The following ABI3BP variants were observed in gnomAD, a reference collection of about 807,000 sequenced individuals.
The protein encoded by ABI3BP is target of Nesh-SH3.
ABI3BP carries 216 observed loss-of-function variants against 268.6 expected under a neutral mutation model. The observed-to-expected ratio is 0.80, with a 90% CI of 0.72 to 0.90. The LOEUF (loss-of-function observed/expected upper bound fraction) is 0.90, where lower values mean the gene tolerates loss of function less well. Ranked by LOEUF, ABI3BP falls within the 40% of genes least tolerant of loss-of-function variation. The pLI is 0.00. For synonymous variants in ABI3BP, 730 were observed against 730.0 expected, an observed-to-expected ratio of 1.00 and a Z score of 0.00; for missense variants, 2,090 against 2,182.4, an observed-to-expected ratio of 0.96 and a Z score of 0.84.
intron 1 of ABI3BP, among the ~76,000 whole-genome samples, chr3:100,957,764 A>T (rs554850209): frequency 7.9e-5 from 12 of 152,316 alleles, no homozygotes; most frequent in African/African-American, 2.6e-4. Flanking sequence ...CTTAAATTTG[A>T]CCCTGGTTCC....
At position 100,750,405 on chromosome 3, in the gene ABI3BP, G is replaced by C; in HGVS notation, c.*90C>G. On this transcript the variant is annotated 3_prime_UTR_variant, in exon 68 of 68. Coordinates refer to ENST00000471714, the MANE Select transcript of ABI3BP (RefSeq NM_001375547.2). ...ATTAGATTGTAGACTTTTATACATAGTAAACAAAATAGCTTTAAATGAATG... is the reference window on the plus strand; with the variant it reads ...ATTAGATTGTAGACTTTTATACATACTAAACAAAATAGCTTTAAATGAATG... The C allele has an allele frequency of 1.0e-6, 1 of 986,970 alleles. No homozygotes were observed. The highest frequency in any genetic ancestry group is 2.1e-5 in the Admixed American group (1 of 46,946). 61.1% of individuals were successfully genotyped at this position (986,970 alleles called of 1,614,324 possible).
In ABI3BP at chr3:100,818,507, GACAC is replaced by G; in HGVS notation, c.3088+14_3088+17del. 6.5e-7 allele frequency: 1 copy of G among 1,529,440 alleles called. No individual in the cohort carries two copies. Among genetic ancestry groups the G allele is most frequent in the Non-Finnish European group, 8.8e-7 (1 of 1,140,994 alleles). The allele number at this position is 1,529,440 out of a possible 1,614,324, so 94.7% of individuals were successfully genotyped here. A position where few individuals can be genotyped will look rare whatever the true frequency, so the allele number is the denominator to read the frequency against. ...TAAGCAGGAAAAGCACTATTTGAAGGACACACATTCTCATTACCCATGGTTTTTG... is the reference window on the plus strand; with the variant it reads ...TAAGCAGGAAAAGCACTATTTGAAGGACATTCTCATTACCCATGGTTTTTG... On this transcript the variant is annotated intron_variant, in intron 41 of 67. Transcript: ENST00000471714.
At chr3:100,946,023 A>G (rs2072014175) in intron 1 of ABI3BP, among the ~76,000 whole-genome samples, 1 of 152,150 alleles carries the variant, frequency 6.6e-6, no homozygotes, top group Non-Finnish European at 1.5e-5. Context: ...AATATACGTT[A>G]GATAATAAAA....
chr3:100,843,716 G>A, intron 20 of ABI3BP: 1 of 983,924 alleles, frequency 1.0e-6, no homozygotes, highest in Non-Finnish European at 1.2e-6. Context: ...AGGACAAGAA[G>A]AAAATAAACA....
At chr3:100,949,036 T>C (rs369864383) in intron 1 of ABI3BP, among the ~76,000 whole-genome samples, 1 of 152,298 alleles carries the variant, frequency 6.6e-6, no homozygotes, top group Non-Finnish European at 1.5e-5. Context: ...GGGAATAATA[T>C]ATTACAGTCT....
chr3:100,750,774 T>C (rs2095270014), intron 67 of ABI3BP, among the ~76,000 whole-genome samples, 164 bp from the exon 68 acceptor site: 2 of 152,172 alleles, frequency 1.3e-5, no homozygotes, highest in Admixed American at 1.3e-4. Flanking sequence ...TCCTGAGGTG[T>C]AGTCATGGTT....
intron 1 of ABI3BP, among the ~76,000 whole-genome samples, chr3:100,961,796 A>G (rs115741130): frequency 0.024 from 3,590 of 152,294 alleles, 57 homozygotes; most frequent in Non-Finnish European, 0.039. Flanking sequence ...ACTCTTAGAC[A>G]TCATTGAAAA....
At chr3:100,929,104 A>C (rs1271254255) in intron 1 of ABI3BP, among the ~76,000 whole-genome samples, 3 of 152,072 alleles carry the variant, frequency 2.0e-5, no homozygotes, top group African/African-American at 7.2e-5. Flanking sequence ...TCTCACAACG[A>C]ATCTAAACTC....
intron 62 of ABI3BP, among the ~76,000 whole-genome samples, chr3:100,766,262 G>C (rs1242029208): frequency 1.3e-5 from 2 of 152,188 alleles, no homozygotes; most frequent in African/African-American, 4.8e-5. Flanking sequence ...CTTTGATTTT[G>C]TTAGGTGAGT....
intron 57 of ABI3BP, among the ~76,000 whole-genome samples, chr3:100,786,253 T>C (rs2097040274): frequency 6.6e-6 from 1 of 152,208 alleles, no homozygotes; most frequent in Non-Finnish European, 1.5e-5. Flanking sequence ...CAGCTTTGTC[T>C]ACCTGTGCCC....
chr3:100,769,334 A>C (rs2096462668), intron 62 of ABI3BP, among the ~76,000 whole-genome samples: 1 of 152,206 alleles, frequency 6.6e-6, no homozygotes, highest in Non-Finnish European at 1.5e-5. Flanking sequence ...GATCTCAAGC[A>C]CCTCATTAAC....
chr3:100,792,325 G>A (rs941860518), intron 55 of ABI3BP, among the ~76,000 whole-genome samples: 2 of 151,494 alleles, frequency 1.3e-5, no homozygotes, highest in African/African-American at 4.8e-5. Flanking sequence ...GAAGGAGGAG[G>A]ACCAGGAGGA....
chr3:100,805,015 A>C (rs1211934799), intron 50 of ABI3BP, 149 bp from the exon 51 acceptor site: 2 of 630,588 alleles, frequency 3.2e-6, no homozygotes, highest in African/African-American at 3.7e-5. Flanking sequence ...AGAAGACCTA[A>C]CCTTAAGCTC....
intron 6 of ABI3BP, 53 bp from the exon 7 acceptor site, chr3:100,876,613 T>C: frequency 6.5e-7 from 1 of 1,528,702 alleles, no homozygotes; most frequent in Non-Finnish European, 9.1e-7. Flanking sequence ...TAACTTTCTG[T>C]TCTTTAAAAC....
At position 100,828,459 on chromosome 3, in the gene ABI3BP, A is replaced by C. The variant is rs2098426970; in HGVS notation, c.2543-7T>G. The C allele has an allele frequency of 6.5e-7, 1 of 1,528,724 alleles. No homozygotes were observed. The highest frequency in any genetic ancestry group is 8.8e-7 in the Non-Finnish European group (1 of 1,141,572). The allele number at this position is 1,528,724 out of a possible 1,614,324, so 94.7% of individuals were successfully genotyped here. ...TCAAAGATTGTAGCAGGAACTGGCC[A>C]AAAATAATAAAAATAAAACACCAAC... On this transcript the variant is annotated splice_polypyrimidine_tract_variant and splice_region_variant and intron_variant, in intron 33 of 67. Transcript: ENST00000471714.
chr3:100,885,287 A>G (rs1189216157), intron 6 of ABI3BP, among the ~76,000 whole-genome samples: 1 of 152,110 alleles, frequency 6.6e-6, no homozygotes, highest in Non-Finnish European at 1.5e-5. Flanking sequence ...AATACCCAGA[A>G]TACTAAAATA....
chr3:100,910,267 G>A (rs1407907329), intron 2 of ABI3BP, among the ~76,000 whole-genome samples: 1 of 152,094 alleles, frequency 6.6e-6, no homozygotes, highest in African/African-American at 2.4e-5. Flanking sequence ...TGGGAAGTCG[G>A]GGGCAGGAGG....
chr3:100,929,919 T>G lies in ABI3BP; in HGVS notation c.80-3438A>C, dbSNP rs183583099. On this transcript the variant is annotated intron_variant, in intron 1 of 67. Transcript: ENST00000471714. ...ATATAAATAAGTTCAAGTGTTCCTT[T>G]GAACGAATGTTTAGATGTGTATTAA... 6.6e-5 allele frequency among the ~76,000 whole-genome samples: 10 copies of G among 152,188 alleles called. No individual in the cohort carries two copies. In the East Asian group the frequency reaches 1.9e-3, roughly 29 times the overall value.
At chr3:100,935,317 G>A (rs1210809572) in intron 1 of ABI3BP, among the ~76,000 whole-genome samples, 4 of 151,914 alleles carry the variant, frequency 2.6e-5, no homozygotes, top group East Asian at 1.9e-4. Context: ...TGAGGCCTCT[G>A]TTCTGTTCCA....
Sources: allele counts gnomAD v4.1 joint callset (sites outside exome capture counted in the v4.1 genomes callset), GRCh38; gene constraint gnomAD v4.1.1; transcripts MANE v1.5; gene names NCBI Gene and HGNC (gene_info 2026-07-23, HGNC 2026-07-21).